CCSER1: variants seen among roughly 807,000 people sequenced by gnomAD.
CCSER1 encodes serine-rich coiled-coil domain-containing protein 1.
Under a neutral mutation model 82.0 loss-of-function variants are expected in CCSER1, and 41 were observed. The ratio of observed to expected loss-of-function variants is 0.50; its 90% CI spans 0.39 to 0.65. The LOEUF (loss-of-function observed/expected upper bound fraction) is 0.65, where lower values mean the gene tolerates loss of function less well. Among genes scored for constraint, CCSER1 ranks in the 30% least tolerant of loss-of-function variants. CCSER1 has a pLI of 0.00. For synonymous variants in CCSER1, 414 were observed against 383.9 expected (o/e 1.08, Z -0.92); for missense variants, 1,119 against 1,064.2 (o/e 1.05, Z -0.72).
At chr4:90,581,978 A>G (rs1191621620) in intron 5 of CCSER1, among the ~76,000 whole-genome samples, 1 of 151,988 alleles carries the variant, frequency 6.6e-6, no homozygotes, top group Admixed American at 6.6e-5. Context: ...AGGAGGACCA[A>G]TTGATGAATT....
chr4:90,418,569 G>A (rs1756160269), intron 4 of CCSER1, among the ~76,000 whole-genome samples: 1 of 151,950 alleles, frequency 6.6e-6, no homozygotes, highest in Non-Finnish European at 1.5e-5. Context: ...AGCTTTGAGT[G>A]ATAAAGCATT....
intron 10 of CCSER1, among the ~76,000 whole-genome samples, chr4:91,562,823 G>A (rs1762715744): frequency 6.6e-6 from 1 of 151,552 alleles, no homozygotes; most frequent in African/African-American, 2.4e-5. Context: ...AATATTTGAT[G>A]TGAAGACTTT....
At position 91,603,547 on chromosome 4, in the gene CCSER1, A is replaced by T. The variant is rs969681187; in HGVS notation, c.*4490A>T. The T allele has an allele frequency of 6.6e-6, 1 of 152,100 alleles. No homozygotes were observed. Among genetic ancestry groups the T allele is most frequent in the Non-Finnish European group, 1.5e-5 (1 of 67,994 alleles). The allele number at this position is 152,100 out of a possible 1,614,324, so 9.4% of individuals were successfully genotyped here. ...TAGGTTCCTTCCATTTGAGTAAGTG[A>T]TCTAGAATATGGGATACCACGGTTC... On this transcript the variant is annotated 3_prime_UTR_variant, in exon 11 of 11. Transcript: ENST00000509176.
intron 1 of CCSER1, among the ~76,000 whole-genome samples, chr4:90,264,487 A>G (rs1724900034): frequency 6.6e-6 from 1 of 152,170 alleles, no homozygotes; most frequent in African/African-American, 2.4e-5. Context: ...TATTAGGATC[A>G]TTTATGTCAC....
At chr4:90,422,609 A>G (rs28669677) in intron 4 of CCSER1, among the ~76,000 whole-genome samples, 2,877 of 152,078 alleles carry the variant, frequency 0.019, 42 homozygotes, top group African/African-American at 0.04. Context: ...TCTTTCTATA[A>G]GATCAATGTC....
chr4:91,303,701 G>A (rs971537865), intron 10 of CCSER1, among the ~76,000 whole-genome samples: 2 of 151,888 alleles, frequency 1.3e-5, no homozygotes, highest in African/African-American at 4.8e-5. Flanking sequence ...ATGCTGAGGT[G>A]GGAGGATCAC....
In CCSER1 at chr4:91,119,505, T is replaced by A. The variant is rs1018859259; in HGVS notation, c.2217+33511T>A. On this transcript the variant is annotated intron_variant, in intron 10 of 10. Coordinates refer to ENST00000509176, the MANE Select transcript of CCSER1 (RefSeq NM_001145065.2). ...CTATATACTGTATATTTCTTTGAGA[T>A]GTTAAAAAGAAAATAATAGTTAACA... Among the ~76,000 whole-genome samples the A allele has an allele frequency of 3.9e-5, 6 of 152,158 alleles. No individual in the cohort carries two copies. The East Asian group carries it at 1.2e-3, about 29-fold the overall frequency.
intron 9 of CCSER1, among the ~76,000 whole-genome samples, chr4:90,929,090 C>G (rs1561377849): frequency 1.3e-5 from 2 of 152,038 alleles, no homozygotes; most frequent in Non-Finnish European, 2.9e-5. Context: ...TCCCTGAACA[C>G]TATTCTTCTT....
rs569425758 is a variant in CCSER1 at position 90,340,243 on chromosome 4, T to G, written c.1509+27196T>G. Among the ~76,000 whole-genome samples, 95 of 152,276 alleles carry G rather than the reference T, an allele frequency of 6.2e-4. 1 individual carries two copies. The South Asian group carries it at 0.02, about 32-fold the overall frequency. ...AAATACTGCAAGTGGTAGAAGATTA[T>G]TTTTACCTTAGAATACACATCCTAG... On this transcript the variant is annotated intron_variant, in intron 3 of 10. Transcript: ENST00000509176.
At chr4:90,219,130 C>T (rs983666450) in intron 1 of CCSER1, among the ~76,000 whole-genome samples, 3 of 152,026 alleles carry the variant, frequency 2.0e-5, no homozygotes, top group Non-Finnish European at 2.9e-5. Context: ...GGTTAGAAAT[C>T]ATTTGAATAA....
intron 10 of CCSER1, among the ~76,000 whole-genome samples, chr4:91,595,063 A>G (rs1764500850): frequency 6.6e-6 from 1 of 151,644 alleles, no homozygotes; most frequent in Non-Finnish European, 1.5e-5. Flanking sequence ...AAAAAAAGCA[A>G]AACCAAAAAA....
chr4:91,128,294 C>T (rs1727687667), intron 10 of CCSER1, among the ~76,000 whole-genome samples: 1 of 152,032 alleles, frequency 6.6e-6, no homozygotes, highest in African/African-American at 2.4e-5. Context: ...ATCATTACAG[C>T]TTCCCTCATT....
chr4:91,025,105 T>C (rs1740373296), intron 9 of CCSER1, among the ~76,000 whole-genome samples: 1 of 152,186 alleles, frequency 6.6e-6, no homozygotes, highest in South Asian at 2.1e-4. Context: ...TTACAAAGCC[T>C]TTGTAGGAGC....
At chr4:90,362,168 A>T (rs1209262597) in intron 3 of CCSER1, among the ~76,000 whole-genome samples, 2 of 152,166 alleles carry the variant, frequency 1.3e-5, no homozygotes, top group East Asian at 1.9e-4. Flanking sequence ...TCACACAGGG[A>T]TCTTGTGTCT....
At chr4:91,402,631 G>T (rs1752416625) in intron 10 of CCSER1, among the ~76,000 whole-genome samples, 1 of 152,078 alleles carries the variant, frequency 6.6e-6, no homozygotes, top group Admixed American at 6.6e-5. Context: ...AGTTTTCCCA[G>T]CACCATTTGT....
chr4:90,127,857 G>T (rs1252271993), intron 1 of CCSER1, 26 bp downstream of exon 1: 1 of 152,190 alleles, frequency 6.6e-6, no homozygotes, highest in Non-Finnish European at 1.5e-5. Flanking sequence ...GTGCCTCAGC[G>T]CTCAGCGGGT....
At chr4:91,020,338 G>A (rs946130086) in intron 9 of CCSER1, among the ~76,000 whole-genome samples, 2 of 152,118 alleles carry the variant, frequency 1.3e-5, no homozygotes, top group Non-Finnish European at 2.9e-5. Context: ...ATCGACATGT[G>A]ACTTTAATAA....
intron 10 of CCSER1, among the ~76,000 whole-genome samples, chr4:91,471,957 GAC>G (rs1217722915): frequency 1.8e-5 from 2 of 113,826 alleles, no homozygotes; most frequent in East Asian, 5.0e-4. Context: ...GCGACAGAGC[GAC>G]ACTCCATCTC....
intron 8 of CCSER1, chr4:90,918,248 A>G (rs748979467): frequency 1.1e-5 from 5 of 455,560 alleles, no homozygotes; most frequent in Non-Finnish European, 2.2e-5. Context: ...GCAAACTACT[A>G]CACGTAGGCC....
Sources: gnomAD v4.1 joint callset for allele counts (sites outside exome capture counted in the v4.1 genomes callset) on GRCh38, gnomAD v4.1.1 for gene constraint, MANE v1.5 for transcripts, NCBI Gene and HGNC (gene_info 2026-07-23, HGNC 2026-07-21) for gene names.